The following TRAPPC9 variants were observed in gnomAD, a reference collection of about 807,000 sequenced individuals.
TRAPPC9 encodes the protein trafficking protein particle complex subunit 9.
A neutral mutation model predicts 124.0 loss-of-function variants in TRAPPC9; 83 were observed. That is an observed-to-expected ratio of 0.67 (90% CI 0.56 to 0.80). The LOEUF (loss-of-function observed/expected upper bound fraction) is 0.80. TRAPPC9 is among the 30% of genes least tolerant of loss of function. The pLI, the probability that TRAPPC9 is intolerant of heterozygous loss-of-function variation, is 0.00. For missense variants in TRAPPC9, 1,302 were observed against 1,508.3 expected (o/e 0.86, Z 2.27); for synonymous variants, 638 against 617.5 (o/e 1.03, Z -0.49).
chr8:139,959,579 C>A (rs942718253), intron 19 of TRAPPC9, among the ~76,000 whole-genome samples: 4 of 152,176 alleles, frequency 2.6e-5, no homozygotes, highest in African/African-American at 9.6e-5. Context: ...TTCCCACCAC[C>A]AACACCCCTC....
At chr8:139,965,124 C>T (rs930778763) in intron 19 of TRAPPC9, among the ~76,000 whole-genome samples, 1 of 152,158 alleles carries the variant, frequency 6.6e-6, no homozygotes, top group Non-Finnish European at 1.5e-5. Flanking sequence ...GGACACAGGG[C>T]CCAGCTGCCT....
In TRAPPC9 at chr8:139,729,437, G is replaced by A. The variant is rs117498339; in HGVS notation, c.*1624C>T. Among the ~76,000 whole-genome samples, 125 of 152,300 alleles carry A rather than the reference G, an allele frequency of 8.2e-4. 4 individuals carry two copies. The East Asian group carries it at 0.021, about 26-fold the overall frequency. ...CCTGAACGGAAGGGCTGAAGAGACC[G>A]CCCTGGGGTCTCCACCCCCTACTGC... On this transcript the variant is annotated 3_prime_UTR_variant, in exon 23 of 23. Transcript: ENST00000438773.
At chr8:140,438,185 G>C (rs73358309) in intron 3 of TRAPPC9, among the ~76,000 whole-genome samples, 4,302 of 152,114 alleles carry the variant, frequency 0.028, 201 homozygotes, top group African/African-American at 0.093. Context: ...CCAGCCCCTA[G>C]AACCAGTTGT....
intron 17 of TRAPPC9, among the ~76,000 whole-genome samples, chr8:140,137,835 T>C (rs1316637646): frequency 6.6e-6 from 1 of 152,226 alleles, no homozygotes; most frequent in East Asian, 1.9e-4. Context: ...TATGTTTACT[T>C]TGTAAACCAT....
Position 140,043,407 on chromosome 8 carries a change from T to A in TRAPPC9, c.2557-19328A>T, listed in dbSNP as rs115233905. 6.4e-3 allele frequency among the ~76,000 whole-genome samples: 978 copies of A among 152,268 alleles called. 15 individuals carry two copies. Among genetic ancestry groups the A allele is most frequent in the African/African-American group, 0.022 (929 of 41,558 alleles). The stretch of plus-strand genomic sequence containing the variant: ...TTCTCCAGGTGAGGAAAATGAGGCT[T>A]AAAGAGCATGAAGTAACATGTCCCA... On this transcript the variant is annotated intron_variant, in intron 17 of 22. Transcript: ENST00000438773.
chr8:140,056,012 C>G (rs118111420), intron 17 of TRAPPC9, among the ~76,000 whole-genome samples: 2 of 151,768 alleles, frequency 1.3e-5, no homozygotes. Context: ...TCATATGGAA[C>G]CATTATGAAC....
chr8:140,215,979 A>T (rs953970007), intron 17 of TRAPPC9: 1 of 152,220 alleles, frequency 6.6e-6, no homozygotes, highest in African/African-American at 2.4e-5. Context: ...TGATGGTCCA[A>T]GGGGAAGGCA....
intron 21 of TRAPPC9, among the ~76,000 whole-genome samples, chr8:139,743,219 G>C (rs1342928572): frequency 6.6e-6 from 1 of 152,160 alleles, no homozygotes; most frequent in Non-Finnish European, 1.5e-5. Context: ...TTGTCCTTCA[G>C]GGCATGTCCC....
chr8:139,892,464 C>T (rs963976616), intron 20 of TRAPPC9, among the ~76,000 whole-genome samples: 3 of 152,166 alleles, frequency 2.0e-5, no homozygotes, highest in African/African-American at 7.2e-5. Flanking sequence ...CCTAGGGCCC[C>T]ACTAGGATAA....
intron 9 of TRAPPC9, among the ~76,000 whole-genome samples, chr8:140,350,391 A>T (rs1391035405): frequency 6.6e-6 from 1 of 152,218 alleles, no homozygotes; most frequent in Non-Finnish European, 1.5e-5. Context: ...AGCAAACCAG[A>T]TGGGGAAGTG....
chr8:140,129,049 C>A (rs1045608780), intron 17 of TRAPPC9, among the ~76,000 whole-genome samples: 1 of 150,006 alleles, frequency 6.7e-6, no homozygotes, highest in African/African-American at 2.4e-5. Flanking sequence ...TGCTGCTCTG[C>A]CAATGAGGTT....
At chr8:140,438,165 C>T (rs903526976) in intron 3 of TRAPPC9, among the ~76,000 whole-genome samples, 1 of 152,106 alleles carries the variant, frequency 6.6e-6, no homozygotes, top group Non-Finnish European at 1.5e-5. Flanking sequence ...ACTTCCCATT[C>T]CCCCTCCTCC....
intron 7 of TRAPPC9, among the ~76,000 whole-genome samples, chr8:140,374,610 AG>A (rs2132257979): frequency 1.3e-5 from 2 of 152,150 alleles, no homozygotes; most frequent in South Asian, 4.2e-4. Flanking sequence ...GAAAAAGAAG[AG>A]GTGGGGGTAC....
chr8:140,286,720 T>C (rs1441208528), intron 13 of TRAPPC9, among the ~76,000 whole-genome samples: 6 of 151,942 alleles, frequency 3.9e-5, no homozygotes, highest in East Asian at 1.9e-4. Flanking sequence ...CTGATTTGCA[T>C]GTATTATATG....
At chr8:140,090,015 G>C (rs894348286) in intron 17 of TRAPPC9, among the ~76,000 whole-genome samples, 3 of 152,098 alleles carry the variant, frequency 2.0e-5, no homozygotes, top group African/African-American at 7.2e-5. Flanking sequence ...GGGAGGTGGA[G>C]GATGCAGTGA....
chr8:139,744,545 C>T (rs76729802), intron 21 of TRAPPC9, among the ~76,000 whole-genome samples: 3,324 of 152,342 alleles, frequency 0.022, 120 homozygotes, highest in African/African-American at 0.074. Flanking sequence ...GCTCTGCACA[C>T]TCCAGCTGGC....
intron 19 of TRAPPC9, chr8:139,932,387 C>G (rs1217419057): frequency 4.4e-6 from 2 of 457,942 alleles, no homozygotes; most frequent in Admixed American, 4.7e-5. Context: ...CAGAAGCACG[C>G]TGGACCACCA....
intron 11 of TRAPPC9, among the ~76,000 whole-genome samples, chr8:140,296,950 C>T (rs1563925151): frequency 6.6e-6 from 1 of 152,230 alleles, no homozygotes; most frequent in Non-Finnish European, 1.5e-5. Context: ...CGTAGGACAG[C>T]AAGTCCGGGG....
At chr8:140,303,613 G>T (rs116435278) in intron 10 of TRAPPC9, among the ~76,000 whole-genome samples, 1 of 152,112 alleles carries the variant, frequency 6.6e-6, no homozygotes, top group Non-Finnish European at 1.5e-5. Context: ...CCATCTCTTC[G>T]CAATTAGCCT....
Sources: allele counts gnomAD v4.1 joint callset (sites outside exome capture counted in the v4.1 genomes callset), GRCh38; gene constraint gnomAD v4.1.1; transcripts MANE v1.5; gene names NCBI Gene and HGNC (gene_info 2026-07-23, HGNC 2026-07-21).